NOSIP: variants seen among roughly 807,000 people sequenced by gnomAD.
The protein encoded by NOSIP is nitric oxide synthase-interacting protein.
Under a neutral mutation model 36.4 loss-of-function variants are expected in NOSIP, and 25 were observed. The observed-to-expected ratio is 0.69, with a 90% CI of 0.50 to 0.96. The LOEUF (loss-of-function observed/expected upper bound fraction) is 0.96, where lower values mean the gene tolerates loss of function less well. NOSIP is among the 40% of genes least tolerant of loss of function. NOSIP has a pLI of 0.00. For synonymous variants in NOSIP, 187 were observed against 179.2 expected (o/e 1.04, Z -0.35); for missense variants, 370 against 429.0 (o/e 0.86, Z 1.21).
At position 49,555,536 on chromosome 19, in the gene NOSIP, G is replaced by C. The variant is rs2080224279; in HGVS notation, c.*215C>G. On this transcript the variant is annotated 3_prime_UTR_variant, in exon 9 of 9. Transcript: ENST00000596358. ...GGCCTCCGAAAGTGCTGGGATTACA[G>C]GCGTGAGCCACCGTGCCTGGCCAGA... 6.6e-6 allele frequency among the ~76,000 whole-genome samples: 1 copy of C among 152,222 alleles called. No homozygotes were observed. Among genetic ancestry groups the C allele is most frequent in the Non-Finnish European group, 1.5e-5 (1 of 68,042 alleles).
Position 49,560,302 on chromosome 19 carries a change from CA to C in NOSIP, c.71-264del. 1 of 577,538 alleles carries C rather than the reference CA, an allele frequency of 1.7e-6. No individual in the cohort carries two copies. Among genetic ancestry groups the C allele is most frequent in the Middle Eastern group, 4.6e-4 (1 of 2,170 alleles). 35.8% of individuals were successfully genotyped at this position (577,538 alleles called of 1,614,324 possible). A position where few individuals can be genotyped will look rare whatever the true frequency, so the allele number is the denominator to read the frequency against. ...GAGGGGCTGACGGCTGACTCCCCTC[CA>C]CCCTTCTGACTGTGACCAAGCTCAA... On this transcript the variant is annotated intron_variant, in intron 2 of 8. Coordinates refer to ENST00000596358, the MANE Select transcript of NOSIP (RefSeq NM_001270960.2). The surrounding 1 kb of genome is among the most constrained non-coding windows in gnomAD (Gnocchi z 4.6).
chr19:49,558,555 G>C (rs536696612), intron 4 of NOSIP: 1 of 198,306 alleles, frequency 5.0e-6, no homozygotes, highest in Admixed American at 5.6e-5. Context: ...CACCACCCCC[G>C]ACCCATTTAG....
chr19:49,555,579 GACC>G lies in NOSIP; in HGVS notation c.*169_*171del. 1 of 577,394 alleles carries G rather than the reference GACC, an allele frequency of 1.7e-6. No homozygotes were observed. The allele number at this position is 577,394 out of a possible 1,614,324, so 35.8% of individuals were successfully genotyped here. On this transcript the variant is annotated 3_prime_UTR_variant, in exon 9 of 9. Transcript: ENST00000596358. ...TGGCCAGATTTTGTTCTTAATGTGA[GACC>G]ACATTCAATATGCTTAGCCCGCTCT...
rs988853563 is a variant in NOSIP at position 49,564,472 on chromosome 19, A to T, written c.-1-3780T>A. Among the ~76,000 whole-genome samples the T allele has an allele frequency of 1.6e-4, 24 of 151,500 alleles. No individual in the cohort carries two copies. In the East Asian group the frequency reaches 2.1e-3, roughly 13 times the overall value. ...CCATCTCAAAAAAAAAAAAAAAAAA[A>T]AAAACAAAATAAAACTTCATTGAGA... On this transcript the variant is annotated intron_variant, in intron 1 of 8. Coordinates refer to ENST00000596358, the MANE Select transcript of NOSIP (RefSeq NM_001270960.2).
chr19:49,557,630 T>G, intron 4 of NOSIP: 4 of 1,091,678 alleles, frequency 3.7e-6, no homozygotes, highest in Non-Finnish European at 4.5e-6. Context: ...TAATGTCACC[T>G]GCTGGCCAAT....
chr19:49,577,767 G>GAAAAAA (rs61302412), intron 1 of NOSIP, among the ~76,000 whole-genome samples: 1 of 121,680 alleles, frequency 8.2e-6, no homozygotes, highest in African/African-American at 3.0e-5. Context: ...CGTGTCTCGG[G>GAAAAAA]AAAAAAAAAA....
At chr19:49,578,081 T>A (rs951831263) in intron 1 of NOSIP, among the ~76,000 whole-genome samples, 1 of 152,128 alleles carries the variant, frequency 6.6e-6, no homozygotes, top group South Asian at 2.1e-4. Flanking sequence ...CTGAATTGTA[T>A]ATTTTCAATG....
intron 8 of NOSIP, 122 bp from the exon 9 acceptor site, chr19:49,555,944 G>C (rs2080231949): frequency 1.4e-6 from 1 of 699,504 alleles, no homozygotes; most frequent in Admixed American, 2.4e-5. Flanking sequence ...TAAGGAGTAG[G>C]AGTTGGGGAG....
rs541324168 is a variant in NOSIP, at chr19:49,571,582, G to C, written c.-2+8933C>G. Among the ~76,000 whole-genome samples, 52 of 152,300 alleles carry C rather than the reference G, an allele frequency of 3.4e-4. 1 individual carries two copies. Among genetic ancestry groups the C allele is most frequent in the African/African-American group, 1.2e-3 (50 of 41,570 alleles). ...GGAAACAGGCTCACAGCATGTCCCA[G>C]CTGGGAAATGGCAGAGCTGGGACTC... On this transcript the variant is annotated intron_variant, in intron 1 of 8. Transcript: ENST00000596358.
At position 49,557,002 on chromosome 19, in the gene NOSIP, G is replaced by T. The variant is rs749617125; in HGVS notation, c.419-9C>A. The T allele has an allele frequency of 1.9e-6, 3 of 1,602,144 alleles. No individual in the cohort carries two copies. The highest frequency in any genetic ancestry group is 1.7e-5 in the Admixed American group (1 of 58,150). On this transcript the variant is annotated splice_polypyrimidine_tract_variant and intron_variant, in intron 5 of 8. Transcript: ENST00000596358. Reference sequence around the variant, plus strand: ...CCCAGGTTGGACATCATCTGTGGGGGAAGGAAGGGACTCAGATGCCGCCCC... The same window carrying T: ...CCCAGGTTGGACATCATCTGTGGGGTAAGGAAGGGACTCAGATGCCGCCCC...
intron 7 of NOSIP, 54 bp from the exon 8 acceptor site, chr19:49,556,479 A>G (rs1028904359): frequency 1.2e-6 from 2 of 1,605,624 alleles, no homozygotes; most frequent in Middle Eastern, 1.6e-4. Flanking sequence ...CTGGGGACCT[A>G]CTGGCCCCAA....
At chr19:49,565,202 G>A (rs555123388) in intron 1 of NOSIP, among the ~76,000 whole-genome samples, 3 of 152,106 alleles carry the variant, frequency 2.0e-5, no homozygotes, top group East Asian at 1.9e-4. Flanking sequence ...AGCCCAGGGA[G>A]GTCAAGGCTG....
At chr19:49,569,762 C>G (rs1401935153) in intron 1 of NOSIP, among the ~76,000 whole-genome samples, 1 of 149,446 alleles carries the variant, frequency 6.7e-6, no homozygotes, top group Non-Finnish European at 1.5e-5. Flanking sequence ...GAGCCAAGAT[C>G]GCGCCATCGC....
intron 4 of NOSIP, chr19:49,557,682 C>CG: frequency 2.0e-6 from 2 of 1,004,844 alleles, no homozygotes; most frequent in Non-Finnish European, 2.4e-6. Context: ...GTGTTTGGGA[C>CG]GGGGGATGTA....
At position 49,560,516 on chromosome 19, in the gene NOSIP, G is replaced by A. The variant is rs1277694823; in HGVS notation, c.70+106C>T. 5 of 815,080 alleles carry A rather than the reference G, an allele frequency of 6.1e-6. No homozygotes were observed. The South Asian group carries it at 7.6e-5, about 12-fold the overall frequency. The allele number at this position is 815,080 out of a possible 1,614,324, so 50.5% of individuals were successfully genotyped here. On this transcript the variant is annotated intron_variant, in intron 2 of 8. Transcript: ENST00000596358. This position sits in a 1 kb window ranked among gnomAD's most constrained non-coding sequence, Gnocchi z 4.6. ...GGTCATGGCCATCAGTGTATATCGG[G>A]GGCGGGAGAGAGACAGGGACAGAGG...
rs537209616 is a variant in NOSIP, at chr19:49,557,597, T to C, written c.259-348A>G. On this transcript the variant is annotated intron_variant, in intron 4 of 8. Transcript: ENST00000596358. ...TGTTTACAGCATGGAGAGCCTCACC[T>C]GGCACTCAGCTAAGCATTTAATTAA... is the stretch of plus-strand genomic sequence containing the variant. 1.4e-5 allele frequency: 16 copies of C among 1,170,986 alleles called. No individual in the cohort carries two copies. The African/African-American group carries it at 2.4e-4, about 17-fold the overall frequency. 72.5% of individuals were successfully genotyped at this position (1,170,986 alleles called of 1,614,324 possible).
At chr19:49,556,257 G>T (rs1260807930) in intron 8 of NOSIP, 60 bp downstream of exon 8, 9 of 976,978 alleles carry the variant, frequency 9.2e-6, no homozygotes. Context: ...CCTTGGAGGG[G>T]GTGAAGGGGA....
intron 1 of NOSIP, among the ~76,000 whole-genome samples, chr19:49,561,528 C>T (rs2080334081): frequency 6.6e-6 from 1 of 152,080 alleles, no homozygotes; most frequent in South Asian, 2.1e-4. Flanking sequence ...AAGGGCAACC[C>T]CCACCCTTTT....
At chr19:49,569,258 G>A (rs1482466934) in intron 1 of NOSIP, among the ~76,000 whole-genome samples, 2 of 145,188 alleles carry the variant, frequency 1.4e-5, no homozygotes, top group African/African-American at 5.1e-5. Context: ...GAGCGCAGTG[G>A]CACAATCTCA....
Sources: allele counts gnomAD v4.1 joint callset (sites outside exome capture counted in the v4.1 genomes callset), GRCh38; gene constraint gnomAD v4.1.1; non-coding constraint Gnocchi (gnomAD v3.1); transcripts MANE v1.5; gene names NCBI Gene and HGNC (gene_info 2026-07-23, HGNC 2026-07-21).